Variants in FHL5 observed in about 807,000 individuals in gnomAD.
The protein encoded by FHL5 is four and a half LIM domains 5.
Under a neutral mutation model 32.0 loss-of-function variants are expected in FHL5, and 33 were observed. That is an observed-to-expected ratio of 1.03 (90% confidence interval 0.78 to 1.38). The LOEUF (loss-of-function observed/expected upper bound fraction) is 1.38, where lower values mean the gene tolerates loss of function less well. FHL5 is among the 40% of genes most tolerant of loss of function. The pLI, the probability that FHL5 is intolerant of heterozygous loss-of-function variation, is 0.00. For missense variants in FHL5, 336 were observed against 343.9 expected (o/e 0.98, Z 0.18); for synonymous variants, 114 against 113.6 (o/e 1.00, Z -0.02).
intron 1 of FHL5, among the ~76,000 whole-genome samples, chr6:96,566,334 T>G (rs1452676877): frequency 6.6e-6 from 1 of 152,084 alleles, no homozygotes; most frequent in Non-Finnish European, 1.5e-5. Flanking sequence ...CAGAAATTTG[T>G]TCTTTTTTAC....
Position 96,610,770 on chromosome 6 carries a change from A to T in FHL5, c.691+12A>T. Reference sequence around the variant, plus strand: ...CAAACCCATTAGTGGTGAGTTCTTCAGTTCAATATGATCATGCCATGAGAC... The same window carrying T: ...CAAACCCATTAGTGGTGAGTTCTTCTGTTCAATATGATCATGCCATGAGAC... On this transcript the variant is annotated intron_variant, in intron 5 of 5. Coordinates refer to ENST00000450218, the MANE Select transcript of FHL5 (RefSeq NM_001322466.2). The T allele has an allele frequency of 6.3e-7, 1 of 1,586,056 alleles. No homozygotes were observed. Among genetic ancestry groups the T allele is most frequent in the Non-Finnish European group, 8.6e-7 (1 of 1,157,856 alleles).
At chr6:96,572,422 A>G (rs150175763) in intron 1 of FHL5, among the ~76,000 whole-genome samples, 1,942 of 151,904 alleles carry the variant, frequency 0.013, 24 homozygotes, top group South Asian at 0.02. Flanking sequence ...CCTCCACTTG[A>G]CCCCACAGGA....
intron 1 of FHL5, among the ~76,000 whole-genome samples, chr6:96,589,578 G>A (rs940517092): frequency 6.6e-6 from 1 of 151,666 alleles, no homozygotes; most frequent in African/African-American, 2.4e-5. Context: ...CACATGTTTT[G>A]GATATGACTT....
At chr6:96,603,078 C>T (rs147491117) in intron 1 of FHL5, among the ~76,000 whole-genome samples, 411 of 152,114 alleles carry the variant, frequency 2.7e-3, no homozygotes, top group African/African-American at 9.4e-3. Context: ...ATGTGCAGAG[C>T]CCTTATTAGG....
intron 1 of FHL5, among the ~76,000 whole-genome samples, chr6:96,595,129 A>G (rs1041599989): frequency 6.6e-6 from 1 of 151,474 alleles, no homozygotes; most frequent in East Asian, 1.9e-4. Context: ...CTTTTTTTTC[A>G]AACCACATTC....
intron 1 of FHL5, among the ~76,000 whole-genome samples, chr6:96,602,274 T>G (rs1771164061): frequency 6.6e-6 from 1 of 151,994 alleles, no homozygotes; most frequent in South Asian, 2.1e-4. Context: ...GGGGGAGAAT[T>G]AGAAAATATT....
chr6:96,614,241 ATAAT>A (rs3839358), intron 5 of FHL5, among the ~76,000 whole-genome samples: 27,296 of 152,112 alleles, frequency 0.18, 2,670 homozygotes, highest in Middle Eastern at 0.26. Flanking sequence ...TAGACATGTA[ATAAT>A]TAGTTTTATG....
At chr6:96,581,969 C>A (rs917847717) in intron 1 of FHL5, among the ~76,000 whole-genome samples, 6 of 152,130 alleles carry the variant, frequency 3.9e-5, no homozygotes, top group African/African-American at 1.4e-4. Context: ...AAACACCCTG[C>A]CCCAACCATG....
At chr6:96,603,880 T>G in intron 2 of FHL5, 108 bp downstream of exon 2, 1 of 849,900 alleles carries the variant, frequency 1.2e-6, no homozygotes, top group Non-Finnish European at 1.8e-6. Flanking sequence ...TCTCTGCTAC[T>G]GGATATATAA....
At position 96,603,458 on chromosome 6, in the gene FHL5, G is replaced by A. The variant is rs1771198239; in HGVS notation, c.-12-144G>A. 8 of 595,876 alleles carry A rather than the reference G, an allele frequency of 1.3e-5. No individual in the cohort carries two copies. The South Asian group carries it at 1.7e-4, about 13-fold the overall frequency. 36.9% of individuals were successfully genotyped at this position (595,876 alleles called of 1,614,324 possible). The stretch of plus-strand genomic sequence containing the variant: ...ACTCCAAATGTCACCATGACTATAA[G>A]CATACTTTCCTAAATTGGGGGATTT... On this transcript the variant is annotated intron_variant, in intron 1 of 5. Coordinates refer to ENST00000450218, the MANE Select transcript of FHL5 (RefSeq NM_001322466.2).
At chr6:96,586,347 T>C (rs1472962956) in intron 1 of FHL5, among the ~76,000 whole-genome samples, 1 of 152,208 alleles carries the variant, frequency 6.6e-6, no homozygotes, top group African/African-American at 2.4e-5. Flanking sequence ...ACTAAGCATG[T>C]GTTTAAAAAT....
intron 1 of FHL5, among the ~76,000 whole-genome samples, chr6:96,567,168 T>C (rs1048479087): frequency 1.3e-5 from 2 of 151,882 alleles, no homozygotes; most frequent in African/African-American, 4.8e-5. Flanking sequence ...TTTTACATGT[T>C]ATGTGAGGTA....
intron 1 of FHL5, among the ~76,000 whole-genome samples, chr6:96,589,542 T>C (rs1770871956): frequency 6.6e-6 from 1 of 152,062 alleles, no homozygotes; most frequent in African/African-American, 2.4e-5. Context: ...GTCCATTTTT[T>C]TTCTTATTGA....
chr6:96,588,207 ATTTC>A (rs1326241635), intron 1 of FHL5, among the ~76,000 whole-genome samples: 5 of 151,998 alleles, frequency 3.3e-5, no homozygotes, highest in East Asian at 3.8e-4. Flanking sequence ...AGTTCCTGTT[ATTTC>A]TTTCTTTCTT....
Position 96,604,845 on chromosome 6 carries a change from T to G in FHL5, c.255T>G (p.Asp85Glu). The G allele has an allele frequency of 6.2e-7, 1 of 1,614,102 alleles. No homozygotes were observed. The highest frequency in any genetic ancestry group is 8.5e-7 in the Non-Finnish European group (1 of 1,179,940). Residue 85 changes from aspartate to glutamate, a missense_variant, in exon 3 of 6, where the codon GAT (aspartate) becomes GAG (glutamate). Transcript: ENST00000450218. ...SLVEKPFAAKDERLLCTECYS... is the reference protein window; with the variant it reads ...SLVEKPFAAKEERLLCTECYS... ...TGGAAAAGCCTTTTGCTGCCAAGGATGAGCGCCTGCTGTGCACGGAGTGCT... is the reference window on the plus strand; with the variant it reads ...TGGAAAAGCCTTTTGCTGCCAAGGAGGAGCGCCTGCTGTGCACGGAGTGCT...
In FHL5 at chr6:96,604,739, C is replaced by A; in HGVS notation, c.160-11C>A. The A allele has an allele frequency of 6.3e-7, 1 of 1,593,704 alleles. No homozygotes were observed. Among genetic ancestry groups the A allele is most frequent in the Non-Finnish European group, 8.5e-7 (1 of 1,170,580 alleles). ...ACCACATTTAATTAACTTTTATTTACTGTCTCAAAGGATCTTTGTTACAAA... is the reference window on the plus strand; with the variant it reads ...ACCACATTTAATTAACTTTTATTTAATGTCTCAAAGGATCTTTGTTACAAA... On this transcript the variant is annotated splice_polypyrimidine_tract_variant and intron_variant, in intron 2 of 5. Transcript: ENST00000450218.
intron 1 of FHL5, among the ~76,000 whole-genome samples, chr6:96,592,794 T>G (rs1225442928): frequency 6.6e-6 from 1 of 152,188 alleles, no homozygotes; most frequent in Admixed American, 6.6e-5. Context: ...GTCCCTGACT[T>G]CCCGCAACAT....
At chr6:96,575,129 C>T (rs1770557646) in intron 1 of FHL5, among the ~76,000 whole-genome samples, 1 of 152,170 alleles carries the variant, frequency 6.6e-6, no homozygotes, top group South Asian at 2.1e-4. Context: ...GTCCTGCTGC[C>T]TAATTTAACA....
At chr6:96,596,887 A>C (rs1436170296) in intron 1 of FHL5, among the ~76,000 whole-genome samples, 3 of 152,074 alleles carry the variant, frequency 2.0e-5, no homozygotes, top group Admixed American at 6.6e-5. Context: ...TATTAGTGGC[A>C]TACTAATTCT....
Sources: gnomAD v4.1 joint callset for allele counts (sites outside exome capture counted in the v4.1 genomes callset) on GRCh38, gnomAD v4.1.1 for gene constraint, MANE v1.5 for transcripts, NCBI Gene and HGNC (gene_info 2026-07-23, HGNC 2026-07-21) for gene names.